The following SHISA6 variants were observed in gnomAD, a reference collection of about 807,000 sequenced individuals.
The protein encoded by SHISA6 is shisa family member 6.
A neutral mutation model predicts 47.9 loss-of-function variants in SHISA6; 22 were observed. The ratio of observed to expected loss-of-function variants is 0.46; its 90% CI spans 0.33 to 0.66. The LOEUF is 0.66. SHISA6 is among the 30% of genes least tolerant of loss of function. SHISA6 has a pLI of 0.02. For synonymous variants in SHISA6, 388 were observed against 337.8 expected (o/e 1.15, Z -1.63); for missense variants, 680 against 764.6 (o/e 0.89, Z 1.30).
intron 2 of SHISA6, among the ~76,000 whole-genome samples, chr17:11,336,956 G>T (rs1420043483): frequency 1.3e-5 from 2 of 152,206 alleles, no homozygotes; most frequent in Non-Finnish European, 2.9e-5. Context: ...CAAGGAAGTT[G>T]GCATCTGTGT....
chr17:11,413,354 T>C (rs1329009523), intron 3 of SHISA6, among the ~76,000 whole-genome samples: 1 of 152,162 alleles, frequency 6.6e-6, no homozygotes, highest in African/African-American at 2.4e-5. Flanking sequence ...TTCACCCTCA[T>C]AGTTGCTTGA....
At chr17:11,388,796 A>AGTT (rs1156976560) in intron 3 of SHISA6, among the ~76,000 whole-genome samples, 1 of 26,174 alleles carries the variant, frequency 3.8e-5, no homozygotes, top group African/African-American at 2.3e-4. Context: ...AAGTTTATAT[A>AGTT]TATATATATA....
intron 1 of SHISA6, among the ~76,000 whole-genome samples, chr17:11,244,895 G>A (rs1362545944): frequency 6.6e-6 from 1 of 152,190 alleles, no homozygotes; most frequent in Non-Finnish European, 1.5e-5. Context: ...CAGCCTCATT[G>A]GAGAGGGACA....
chr17:11,253,908 C>G (rs971179345), intron 1 of SHISA6, among the ~76,000 whole-genome samples: 3 of 151,974 alleles, frequency 2.0e-5, no homozygotes, highest in African/African-American at 7.3e-5. Flanking sequence ...AAAACTTGTC[C>G]GGACTTCGAG....
At chr17:11,470,535 TATG>T (rs1254665823) in intron 3 of SHISA6, among the ~76,000 whole-genome samples, 1 of 152,216 alleles carries the variant, frequency 6.6e-6, no homozygotes, top group African/African-American at 2.4e-5. Context: ...CGTCTGCAAG[TATG>T]ATGACACATA....
At chr17:11,375,378 T>C (rs1320255915) in intron 2 of SHISA6, among the ~76,000 whole-genome samples, 7 of 152,136 alleles carry the variant, frequency 4.6e-5, no homozygotes, top group Non-Finnish European at 2.9e-5. Context: ...CTTTCTCTCA[T>C]TGGACTCTCC....
chr17:11,265,471 C>G (rs913449752), intron 2 of SHISA6, among the ~76,000 whole-genome samples: 8 of 152,146 alleles, frequency 5.3e-5, no homozygotes, highest in African/African-American at 1.9e-4. Context: ...CCAGGTGATT[C>G]TAATGTGGAG....
chr17:11,469,365 G>A (rs1005199323), intron 3 of SHISA6, among the ~76,000 whole-genome samples: 5 of 152,130 alleles, frequency 3.3e-5, no homozygotes, highest in Non-Finnish European at 4.4e-5. Context: ...GAGCTTCTAG[G>A]GGCAAAGGAA....
At chr17:11,439,047 A>G (rs1388688282) in intron 3 of SHISA6, among the ~76,000 whole-genome samples, 1 of 152,046 alleles carries the variant, frequency 6.6e-6, no homozygotes, top group Non-Finnish European at 1.5e-5. Flanking sequence ...GGTTCTGGGG[A>G]GTTAATTACA....
intron 1 of SHISA6, among the ~76,000 whole-genome samples, chr17:11,251,985 C>G (rs1907828697): frequency 6.6e-6 from 1 of 152,188 alleles, no homozygotes; most frequent in Non-Finnish European, 1.5e-5. Flanking sequence ...GGAAACTCAC[C>G]TCTGCCTGAG....
intron 2 of SHISA6, among the ~76,000 whole-genome samples, chr17:11,346,779 C>T (rs1911713479): frequency 6.6e-6 from 1 of 152,126 alleles, no homozygotes; most frequent in South Asian, 2.1e-4. Flanking sequence ...AAATGTTTAT[C>T]TGAGACTCAA....
intron 3 of SHISA6, among the ~76,000 whole-genome samples, chr17:11,391,878 C>A (rs971494658): frequency 3.9e-5 from 6 of 152,172 alleles, no homozygotes; most frequent in Admixed American, 2.6e-4. Context: ...AGTTTGAACA[C>A]CCCATGTGTT....
In SHISA6 at chr17:11,328,596, G is replaced by A. The variant is rs150618172; in HGVS notation, c.800-50818G>A. ...CACTCAATAAATAAATTGCGTGTGT[G>A]TGTTGTTAAGTCTAATACAGTCACC... On this transcript the variant is annotated intron_variant, in intron 2 of 5. Transcript: ENST00000441885. 7.9e-5 allele frequency among the ~76,000 whole-genome samples: 12 copies of A among 152,314 alleles called. No homozygotes were observed. In the East Asian group the frequency reaches 2.3e-3, roughly 29 times the overall value.
rs140505141 is a variant in SHISA6 at position 11,433,739 on chromosome 17, A to T, written c.895+54230A>T. The stretch of plus-strand genomic sequence containing the variant: ...CTTAGAAACATTCAGGACCCTGGAT[A>T]CTCTAGAGAATCCACTTGTAAGAGA... On this transcript the variant is annotated intron_variant, in intron 3 of 5. Transcript: ENST00000441885. Among the ~76,000 whole-genome samples, 1,171 of 152,176 alleles carry T rather than the reference A, an allele frequency of 7.7e-3. 10 individuals are homozygous for T. Among genetic ancestry groups the T allele is most frequent in the Non-Finnish European group, 0.012 (823 of 67,988 alleles).
chr17:11,246,325 C>G lies in SHISA6; in HGVS notation c.638+4265C>G, dbSNP rs984362697. On this transcript the variant is annotated intron_variant, in intron 1 of 5. Coordinates refer to ENST00000441885, the MANE Select transcript of SHISA6 (RefSeq NM_207386.4). ...CTAACACGGTGAAATCCCGTCTCTA[C>G]GAAAAACACAAAAAGTTAGCCGGGT... Among the ~76,000 whole-genome samples the G allele has an allele frequency of 1.9e-4, 29 of 152,014 alleles. 1 individual carries two copies. The highest frequency in any genetic ancestry group is 7.0e-4 in the African/African-American group (29 of 41,362).
At chr17:11,386,449 A>C (rs1913196818) in intron 3 of SHISA6, among the ~76,000 whole-genome samples, 1 of 152,226 alleles carries the variant, frequency 6.6e-6, no homozygotes. Flanking sequence ...AATGCAGACT[A>C]CAGGTACTGA....
chr17:11,397,770 T>C (rs1193289280), intron 3 of SHISA6, among the ~76,000 whole-genome samples: 1 of 152,150 alleles, frequency 6.6e-6, no homozygotes, highest in East Asian at 1.9e-4. Context: ...ATTTTTTTCT[T>C]TCTCTTTGAA....
chr17:11,324,959 C>T (rs931699037), intron 2 of SHISA6, among the ~76,000 whole-genome samples: 2 of 152,096 alleles, frequency 1.3e-5, no homozygotes, highest in South Asian at 2.1e-4. Flanking sequence ...ATTGGTTCTG[C>T]CCCAGATCTT....
intron 3 of SHISA6, among the ~76,000 whole-genome samples, chr17:11,532,335 T>A (rs113565036): frequency 3.9e-5 from 6 of 152,276 alleles, no homozygotes; most frequent in African/African-American, 1.4e-4. Flanking sequence ...CAGCAAAGTG[T>A]TAACAGTGGG....
Sources: allele counts gnomAD v4.1 joint callset (sites outside exome capture counted in the v4.1 genomes callset), GRCh38; gene constraint gnomAD v4.1.1; transcripts MANE v1.5; gene names NCBI Gene and HGNC (gene_info 2026-07-23, HGNC 2026-07-21).